MALRD1: variants seen among roughly 807,000 people sequenced by gnomAD.
MALRD1 encodes MAM and LDL receptor class A domain containing 1.
MALRD1 carries 247 observed loss-of-function variants against 242.1 expected under a neutral mutation model. The observed-to-expected ratio is 1.02, with a 90% CI of 0.92 to 1.13. MALRD1 has a LOEUF of 1.13. Ranked by LOEUF, MALRD1 falls within the 50% of genes most tolerant of loss-of-function variation. The pLI, the probability that MALRD1 is intolerant of heterozygous loss-of-function variation, is 0.00. For missense variants in MALRD1, 2,989 were observed against 2,533.1 expected (o/e 1.18, Z -3.86); for synonymous variants, 995 against 866.6 (o/e 1.15, Z -2.60).
At chr10:19,520,289 G>A (rs796759985) in intron 31 of MALRD1, among the ~76,000 whole-genome samples, 8 of 151,564 alleles carry the variant, frequency 5.3e-5, no homozygotes, top group African/African-American at 1.7e-4. Context: ...CATAAAAATG[G>A]TAATCGATGG....
chr10:19,389,356 A>G (rs1846234780), intron 27 of MALRD1, 96 bp from the exon 28 acceptor site: 2 of 1,294,770 alleles, frequency 1.5e-6, no homozygotes, highest in African/African-American at 1.5e-5. Context: ...CTCAGATCAT[A>G]CGAATTGTAA....
intron 38 of MALRD1, among the ~76,000 whole-genome samples, chr10:19,704,620 G>A (rs762319933): frequency 6.6e-6 from 1 of 152,134 alleles, no homozygotes; most frequent in Non-Finnish European, 1.5e-5. Context: ...GAAATTATAA[G>A]ATGTGAAAGT....
chr10:19,689,648 G>A (rs990039292), intron 36 of MALRD1, among the ~76,000 whole-genome samples: 1 of 152,030 alleles, frequency 6.6e-6, no homozygotes, highest in Admixed American at 6.5e-5. Context: ...CTTATACAAC[G>A]ATATGAAAAT....
At chr10:19,584,103 A>T (rs1374923735) in intron 33 of MALRD1, among the ~76,000 whole-genome samples, 1 of 147,592 alleles carries the variant, frequency 6.8e-6, no homozygotes, top group African/African-American at 2.5e-5. Flanking sequence ...CGTCTATTTG[A>T]TTCTTCTCTC....
At chr10:19,164,270 C>T (rs1287614743) in intron 12 of MALRD1, among the ~76,000 whole-genome samples, 4 of 151,884 alleles carry the variant, frequency 2.6e-5, no homozygotes, top group Non-Finnish European at 5.9e-5. Flanking sequence ...TTAAAATGAA[C>T]AATTTTTTTA....
chr10:19,290,745 A>G (rs1841377869), intron 21 of MALRD1, among the ~76,000 whole-genome samples: 1 of 152,180 alleles, frequency 6.6e-6, no homozygotes, highest in Admixed American at 6.5e-5. Context: ...AATTTTTTAA[A>G]AAATTATTAT....
At chr10:19,560,243 T>C (rs1024006390) in intron 32 of MALRD1, among the ~76,000 whole-genome samples, 2 of 152,006 alleles carry the variant, frequency 1.3e-5, no homozygotes, top group African/African-American at 4.8e-5. Context: ...CTGAGGTGGG[T>C]GGATCACAAG....
intron 21 of MALRD1, among the ~76,000 whole-genome samples, chr10:19,298,672 A>G (rs1841817496): frequency 1.3e-5 from 2 of 151,942 alleles, no homozygotes; most frequent in Admixed American, 1.3e-4. Context: ...AAGAGACACA[A>G]GAATGTGTCT....
At chr10:19,662,056 AG>A (rs2131735405) in intron 36 of MALRD1, among the ~76,000 whole-genome samples, 1 of 152,304 alleles carries the variant, frequency 6.6e-6, no homozygotes, top group African/African-American at 2.4e-5. Context: ...TATCCAAACA[AG>A]TAGCATCTGT....
intron 31 of MALRD1, among the ~76,000 whole-genome samples, chr10:19,508,225 G>A (rs1833230571): frequency 6.6e-6 from 1 of 152,130 alleles, no homozygotes; most frequent in Non-Finnish European, 1.5e-5. Context: ...ATGGATGGAT[G>A]TGTGATGTAT....
rs535460588 is a variant in MALRD1 at position 19,173,441 on chromosome 10, G to A, written c.1831-1767G>A. Among the ~76,000 whole-genome samples, 4 of 152,156 alleles carry A rather than the reference G, an allele frequency of 2.6e-5. No individual in the cohort carries two copies. In the East Asian group the frequency reaches 7.7e-4, roughly 29 times the overall value. On this transcript the variant is annotated intron_variant, in intron 13 of 39. Transcript: ENST00000454679. Reference sequence around the variant, plus strand: ...CACAAGCCTTCATGTGTATACCTTTGAGTGTCTCTCTAGGATAAATGCCAA... The same window carrying A: ...CACAAGCCTTCATGTGTATACCTTTAAGTGTCTCTCTAGGATAAATGCCAA...
intron 21 of MALRD1, among the ~76,000 whole-genome samples, chr10:19,318,803 C>T (rs1179933462): frequency 1.3e-5 from 2 of 151,964 alleles, no homozygotes; most frequent in South Asian, 2.1e-4. Flanking sequence ...TTTAAATTCA[C>T]TTGGTTATTT....
At chr10:19,080,200 A>G (rs957166571) in intron 2 of MALRD1, among the ~76,000 whole-genome samples, 1 of 152,060 alleles carries the variant, frequency 6.6e-6, no homozygotes, top group Non-Finnish European at 1.5e-5. Flanking sequence ...TGACCAAAGT[A>G]ATTTATAGAT....
At chr10:19,237,929 TAATTTTATACAGTTATATAAATTATATG>T (rs1838453046) in intron 18 of MALRD1, among the ~76,000 whole-genome samples, 1 of 31,890 alleles carries the variant, frequency 3.1e-5, no homozygotes. Context: ...TAATTATATG[TAATTTTATACAGTTATATAAATTATATG>T]TAATTTTATA....
At chr10:19,717,560 A>C (rs2131891966) in intron 38 of MALRD1, among the ~76,000 whole-genome samples, 1 of 152,314 alleles carries the variant, frequency 6.6e-6, no homozygotes, top group African/African-American at 2.4e-5. Flanking sequence ...ATTTAGCTTG[A>C]AATTTCAGTG....
chr10:19,426,298 T>C (rs977489394), intron 28 of MALRD1, among the ~76,000 whole-genome samples: 2 of 152,124 alleles, frequency 1.3e-5, no homozygotes, highest in African/African-American at 2.4e-5. Flanking sequence ...TTACACTCCA[T>C]TGAGTTCAAA....
At chr10:19,723,154 T>A (rs1189474484) in intron 38 of MALRD1, among the ~76,000 whole-genome samples, 1 of 152,172 alleles carries the variant, frequency 6.6e-6, no homozygotes, top group African/African-American at 2.4e-5. Flanking sequence ...TTAGAAACAG[T>A]GTTTAGAAAT....
chr10:19,729,950 G>A (rs1305218051), intron 38 of MALRD1, among the ~76,000 whole-genome samples: 1 of 151,252 alleles, frequency 6.6e-6, no homozygotes, highest in African/African-American at 2.4e-5. Flanking sequence ...TGTTAGCCAG[G>A]ATGGTCTCGA....
chr10:19,588,114 A>G (rs1326121747), intron 33 of MALRD1, among the ~76,000 whole-genome samples: 2 of 152,070 alleles, frequency 1.3e-5, no homozygotes, highest in Non-Finnish European at 2.9e-5. Context: ...AGAGTTCTTT[A>G]CTTAATTATA....
Sources: gnomAD v4.1 joint callset for allele counts (sites outside exome capture counted in the v4.1 genomes callset) on GRCh38, gnomAD v4.1.1 for gene constraint, MANE v1.5 for transcripts, NCBI Gene and HGNC (gene_info 2026-07-23, HGNC 2026-07-21) for gene names.